The following RUFY4 variants were observed in gnomAD, a reference collection of about 807,000 sequenced individuals.
RUFY4 encodes RUN and FYVE domain containing 4, also known as RUN and FYVE domain-containing protein 4.
In RUFY4, 73 loss-of-function variants were observed where a neutral mutation model predicts 69.0. That is an observed-to-expected ratio of 1.06 (90% CI 0.88 to 1.29). The LOEUF (loss-of-function observed/expected upper bound fraction) is 1.29, where lower values mean the gene tolerates loss of function less well. Among genes scored for constraint, RUFY4 ranks in the 50% most tolerant of loss-of-function variants. RUFY4 has a pLI of 0.00. For synonymous variants in RUFY4, 287 were observed against 271.8 expected, an observed-to-expected ratio of 1.06 and a Z score of -0.55; for missense variants, 770 against 705.6, an observed-to-expected ratio of 1.09 and a Z score of -1.03.
chr2:218,085,114 A>G (rs973432450), intron 9 of RUFY4, among the ~76,000 whole-genome samples: 1 of 152,194 alleles, frequency 6.6e-6, no homozygotes, highest in Non-Finnish European at 1.5e-5. Flanking sequence ...ATATATCCCC[A>G]AAGTGTTAGG....
At position 218,088,054 on chromosome 2, in the gene RUFY4, C is replaced by T. The variant is rs565571340; in HGVS notation, c.1503-1198C>T. Among the ~76,000 whole-genome samples, 6 of 152,144 alleles carry T rather than the reference C, an allele frequency of 3.9e-5. No individual in the cohort carries two copies. In the East Asian group the frequency reaches 5.8e-4, roughly 15 times the overall value. On this transcript the variant is annotated intron_variant, in intron 9 of 10. Coordinates refer to ENST00000344321, the Ensembl canonical transcript of RUFY4. The stretch of plus-strand genomic sequence containing the variant: ...ATTTCAAGGAGAGAAAGCAAAAAGA[C>T]GTCAGAAATGGTTTGCCACTGAGAA...
chr2:218,044,808 A>G (rs1382939790), intron 2 of RUFY4, among the ~76,000 whole-genome samples: 1 of 152,212 alleles, frequency 6.6e-6, no homozygotes, highest in Non-Finnish European at 1.5e-5. Flanking sequence ...TCCATGGTGT[A>G]TATGTACCAC....
At chr2:218,036,428 T>A (rs1279950647) in intron 2 of RUFY4, among the ~76,000 whole-genome samples, 3 of 148,618 alleles carry the variant, frequency 2.0e-5, no homozygotes, top group Non-Finnish European at 2.9e-5. Flanking sequence ...ATCCTACGAC[T>A]GGGTTAAATT....
Position 218,076,431 on chromosome 2 carries a change from T to C in RUFY4, c.1253T>C (p.Leu418Pro), listed in dbSNP as rs182628120. The stretch of plus-strand genomic sequence containing the variant: ...TCCCCTCCTTCCACCCCACAGAGCC[T>C]CAGACTTGGGCTCCGGAAGGCTGAG... Residue 418 changes from leucine (L) to proline (P), a missense_variant, in exon 8 of 11, where the codon CTC becomes CCC. Transcript: ENST00000344321. 1.0e-4 allele frequency: 162 copies of C among 1,549,568 alleles called. No homozygotes were observed. In the East Asian group the frequency reaches 2.5e-3, roughly 23 times the overall value.
rs1689668430 is a variant in RUFY4 at position 218,077,695 on chromosome 2, CTG to C, written c.1355+1165_1355+1166del. Among the ~76,000 whole-genome samples, 6 of 152,210 alleles carry C rather than the reference CTG, an allele frequency of 3.9e-5. No individual in the cohort carries two copies. In the South Asian group the frequency reaches 1.2e-3, roughly 31 times the overall value. On this transcript the variant is annotated intron_variant, in intron 8 of 10. Transcript: ENST00000344321. The stretch of plus-strand genomic sequence containing the variant: ...TCGGACCCCAGCAGAGCCTGAGTAG[CTG>C]TGATTCAGCCTGAATCACTAGGAAG...
chr2:218,073,570 T>C (rs1306237483), intron 5 of RUFY4, among the ~76,000 whole-genome samples, 184 bp downstream of exon 7: 1 of 152,148 alleles, frequency 6.6e-6, no homozygotes, highest in Non-Finnish European at 1.5e-5. Context: ...TAATGCTGCC[T>C]AGAATATGCA....
intron 10 of RUFY4, 89 bp from the exon 13 acceptor site, chr2:218,089,862 GA>G (rs1263984409): frequency 1.1e-6 from 1 of 876,050 alleles, no homozygotes; most frequent in Non-Finnish European, 1.9e-6. Context: ...AGGTGGACCT[GA>G]AGATGCTGGA....
At chr2:218,067,353 G>A (rs964632966), upstream of RUFY4, among the ~76,000 whole-genome samples, 12 of 152,236 alleles carry the variant, frequency 7.9e-5, no homozygotes, top group African/African-American at 2.9e-4. Flanking sequence ...AGCAGGACTG[G>A]CAGTAGGAGT....
chr2:218,064,947 C>T (rs1279885439), upstream of RUFY4, among the ~76,000 whole-genome samples: 3 of 152,144 alleles, frequency 2.0e-5, no homozygotes, highest in South Asian at 2.1e-4. Context: ...TTCATCACCC[C>T]GATCCCGTTT....
chr2:218,037,751 G>A (rs888575597), intron 2 of RUFY4, among the ~76,000 whole-genome samples: 41 of 152,160 alleles, frequency 2.7e-4, no homozygotes, highest in African/African-American at 9.4e-4. Flanking sequence ...AATATATCCT[G>A]TTATAAAGAG....
At chr2:218,066,744 T>C (rs1182742417), upstream of RUFY4, among the ~76,000 whole-genome samples, 1 of 152,252 alleles carries the variant, frequency 6.6e-6, no homozygotes, top group Non-Finnish European at 1.5e-5. Context: ...ACTGTGAGCC[T>C]TATGAAAATG....
intron 8 of RUFY4, among the ~76,000 whole-genome samples, chr2:218,077,342 C>T (rs1032988142): frequency 1.3e-5 from 2 of 152,226 alleles, no homozygotes; most frequent in African/African-American, 4.8e-5. Flanking sequence ...CATCCCCCCT[C>T]AGTCCTCAGT....
In RUFY4 at chr2:218,073,872, A is replaced by T. The variant is rs115701928; in HGVS notation, c.587A>T (p.Asp196Val). 6,044 of 1,613,852 alleles carry T rather than the reference A, an allele frequency of 3.7e-3. 195 individuals are homozygous for T. The African/African-American group carries it at 0.071, about 19-fold the overall frequency. ...GGAAGGAGACCCAGAAAAAACAAAG[A>T]TGCCCCAAAGAAGGTGCCTCTGCCC... The change falls in exon 6 of 11, where the codon GAT becomes GTT. Residue 196 changes from aspartate to valine, a missense_variant. Coordinates refer to ENST00000344321, the Ensembl canonical transcript of RUFY4.
chr2:218,037,252 G>T (rs58420766), intron 2 of RUFY4, among the ~76,000 whole-genome samples: 5,312 of 151,994 alleles, frequency 0.035, 280 homozygotes, highest in African/African-American at 0.12. Flanking sequence ...CCCAGGAGGC[G>T]GAGGTTGCAG....
At chr2:218,051,115 T>C (rs1383299732) in intron 2 of RUFY4, among the ~76,000 whole-genome samples, 1 of 152,138 alleles carries the variant, frequency 6.6e-6, no homozygotes, top group East Asian at 1.9e-4. Flanking sequence ...GCCCAAGCAA[T>C]CTTCCCACCT....
In RUFY4 at chr2:218,072,601, C is replaced by T. The variant is rs975922426; in HGVS notation, c.279+102C>T. The T allele has an allele frequency of 2.8e-6, 4 of 1,452,984 alleles. No individual in the cohort carries two copies. In the African/African-American group the frequency reaches 4.2e-5, roughly 15 times the overall value. The allele number at this position is 1,452,984 out of a possible 1,614,324, so 90.0% of individuals were successfully genotyped here. The stretch of plus-strand genomic sequence containing the variant: ...CTACCGACCATAGACCCCTCACCTG[C>T]TCTGCATGTCTCCTAAGCCCTGCCC... On this transcript the variant is annotated intron_variant, in intron 3 of 10. Coordinates refer to ENST00000344321, the Ensembl canonical transcript of RUFY4.
intron 2 of RUFY4, among the ~76,000 whole-genome samples, chr2:218,051,228 A>G (rs1242547182): frequency 1.3e-5 from 2 of 152,132 alleles, no homozygotes; most frequent in African/African-American, 2.4e-5. Context: ...TTTATTTTTG[A>G]CTTCTTAAAT....
chr2:218,061,816 G>A (rs1689201452), intron 3 of RUFY4, among the ~76,000 whole-genome samples: 1 of 152,196 alleles, frequency 6.6e-6, no homozygotes, highest in South Asian at 2.1e-4. Flanking sequence ...TCAGAAACAT[G>A]AGATGCCACT....
chr2:218,066,027 CAG>C (rs1001463143), upstream of RUFY4, among the ~76,000 whole-genome samples: 1 of 152,012 alleles, frequency 6.6e-6, no homozygotes, highest in Non-Finnish European at 1.5e-5. Context: ...GGGAAGGGAA[CAG>C]GGAGGCATCA....
Sources: allele counts gnomAD v4.1 joint callset (sites outside exome capture counted in the v4.1 genomes callset), GRCh38; gene constraint gnomAD v4.1.1; transcripts MANE v1.5; gene names NCBI Gene and HGNC (gene_info 2026-07-23, HGNC 2026-07-21).